The following IL15 variants were observed in gnomAD, a reference collection of about 807,000 sequenced individuals.
IL15 encodes interleukin-15.
Under a neutral mutation model 19.6 loss-of-function variants are expected in IL15, and 11 were observed. The observed-to-expected ratio is 0.56, with a 90% CI of 0.35 to 0.93. The LOEUF is 0.93. Among genes scored for constraint, IL15 ranks in the 40% least tolerant of loss-of-function variants. The pLI is 0.01. For missense variants in IL15, 197 were observed against 186.5 expected (o/e 1.06, Z -0.33); for synonymous variants, 58 against 59.6 (o/e 0.97, Z 0.12).
intron 5 of IL15, among the ~76,000 whole-genome samples, 161 bp downstream of exon 5, chr4:141,722,169 G>A (rs572875439): frequency 6.6e-6 from 1 of 152,206 alleles, no homozygotes; most frequent in South Asian, 2.1e-4. Flanking sequence ...TTTCCTTACT[G>A]TTTTAGAATC....
chr4:141,731,096 A>G (rs1290010832), intron 7 of IL15, among the ~76,000 whole-genome samples: 1 of 152,150 alleles, frequency 6.6e-6, no homozygotes, highest in African/African-American at 2.4e-5. Flanking sequence ...GGCAGAGACA[A>G]CTGAAAGTGC....
At chr4:141,671,536 T>G (rs1365688586) in intron 2 of IL15, among the ~76,000 whole-genome samples, 1 of 152,192 alleles carries the variant, frequency 6.6e-6, no homozygotes, top group East Asian at 1.9e-4. Flanking sequence ...ATTTTCTCCC[T>G]GGTCTTGTTT....
chr4:141,723,755 T>C (rs2152191091), intron 5 of IL15, among the ~76,000 whole-genome samples: 1 of 152,288 alleles, frequency 6.6e-6, no homozygotes, highest in African/African-American at 2.4e-5. Flanking sequence ...TCCAGAGGGA[T>C]ATTACAAAAT....
intron 2 of IL15, among the ~76,000 whole-genome samples, chr4:141,680,846 C>G (rs1016494870): frequency 2.6e-5 from 4 of 152,168 alleles, no homozygotes; most frequent in African/African-American, 7.2e-5. Context: ...CAATTCACCT[C>G]TTTCATTACC....
Position 141,646,887 on chromosome 4 carries a change from A to G in IL15, c.-221-9299A>G, listed in dbSNP as rs182900807. Reference sequence around the variant, plus strand: ...CAGTTTTGTTATTTTATTCATTGCTATATTCCCATCACCTATTAGTGCTAG... The same window carrying G: ...CAGTTTTGTTATTTTATTCATTGCTGTATTCCCATCACCTATTAGTGCTAG... On this transcript the variant is annotated intron_variant, in intron 1 of 7. Transcript: ENST00000320650. 1.8e-3 allele frequency among the ~76,000 whole-genome samples: 281 copies of G among 152,236 alleles called. 1 individual carries two copies. The highest frequency in any genetic ancestry group is 6.4e-3 in the African/African-American group (266 of 41,562).
At chr4:141,665,858 C>G (rs1328636706) in intron 2 of IL15, among the ~76,000 whole-genome samples, 1 of 152,052 alleles carries the variant, frequency 6.6e-6, no homozygotes, top group African/African-American at 2.4e-5. Context: ...GTTTCTGTCT[C>G]ATAACTCCCA....
chr4:141,724,314 A>T (rs1247297295), intron 5 of IL15, among the ~76,000 whole-genome samples: 2 of 152,130 alleles, frequency 1.3e-5, no homozygotes, highest in African/African-American at 4.8e-5. Context: ...ATGTGGCTAA[A>T]GCAATACTGA....
chr4:141,671,980 G>T (rs1367610198), intron 2 of IL15, among the ~76,000 whole-genome samples: 2 of 152,164 alleles, frequency 1.3e-5, no homozygotes, highest in Non-Finnish European at 2.9e-5. Context: ...ATTTGGTAAA[G>T]TATAAGTAGT....
intron 2 of IL15, among the ~76,000 whole-genome samples, chr4:141,676,439 C>T (rs2090664): frequency 0.5 from 76,415 of 151,970 alleles, 19,597 homozygotes; most frequent in East Asian, 0.85. Flanking sequence ...AATTCAAGAT[C>T]GAAGGTGTCT....
chr4:141,637,471 G>C (rs1452850586), intron 1 of IL15, among the ~76,000 whole-genome samples: 1 of 151,990 alleles, frequency 6.6e-6, no homozygotes, highest in Non-Finnish European at 1.5e-5. Flanking sequence ...AGTGTATCTA[G>C]AATGTCGAAG....
chr4:141,693,585 T>G (rs1437192384), intron 2 of IL15, among the ~76,000 whole-genome samples: 1 of 152,238 alleles, frequency 6.6e-6, no homozygotes, highest in Non-Finnish European at 1.5e-5. Context: ...GATTGTTTCT[T>G]TAAAAATTAA....
chr4:141,670,312 G>A (rs1041676605), intron 2 of IL15, among the ~76,000 whole-genome samples: 1 of 152,072 alleles, frequency 6.6e-6, no homozygotes, highest in African/African-American at 2.4e-5. Context: ...AGCCAGCTGT[G>A]CTGGCATCAA....
chr4:141,703,292 A>G (rs977001875), intron 2 of IL15, among the ~76,000 whole-genome samples: 6 of 152,166 alleles, frequency 3.9e-5, no homozygotes, highest in Non-Finnish European at 5.9e-5. Context: ...TGATGGGTGT[A>G]CATCCCTACT....
intron 1 of IL15, among the ~76,000 whole-genome samples, chr4:141,645,038 C>T (rs1224868138): frequency 6.6e-6 from 1 of 152,076 alleles, no homozygotes; most frequent in Admixed American, 6.6e-5. Flanking sequence ...GTGGCGTAGC[C>T]TGCTTTCTGA....
chr4:141,721,806 G>A (rs181576283), intron 4 of IL15, 118 bp from the exon 5 acceptor site: 6 of 853,934 alleles, frequency 7.0e-6, no homozygotes, highest in Non-Finnish European at 1.1e-5. Flanking sequence ...CAGAAGCAAG[G>A]ATAACACTGA....
intron 2 of IL15, among the ~76,000 whole-genome samples, chr4:141,678,030 T>C (rs1223850913): frequency 6.6e-6 from 1 of 152,194 alleles, no homozygotes; most frequent in Non-Finnish European, 1.5e-5. Context: ...CCTAATTTTA[T>C]CTGTGGTGAT....
At chr4:141,721,701 C>G (rs894591710) in intron 4 of IL15, 12 of 558,308 alleles carry the variant, frequency 2.1e-5, no homozygotes, top group Non-Finnish European at 3.8e-5. Context: ...AGGCTTTTCT[C>G]TAATCCGGGT....
At chr4:141,652,359 A>G (rs1261496997) in intron 1 of IL15, among the ~76,000 whole-genome samples, 1 of 152,122 alleles carries the variant, frequency 6.6e-6, no homozygotes, top group Non-Finnish European at 1.5e-5. Flanking sequence ...TCTGCTGTCC[A>G]ATCTAGGGAG....
At chr4:141,696,560 C>T (rs1478530797) in intron 2 of IL15, among the ~76,000 whole-genome samples, 1 of 152,036 alleles carries the variant, frequency 6.6e-6, no homozygotes, top group African/African-American at 2.4e-5. Context: ...ACTTCATGAA[C>T]ACTGGATAGC....
Sources: gnomAD v4.1 joint callset for allele counts (sites outside exome capture counted in the v4.1 genomes callset) on GRCh38, gnomAD v4.1.1 for gene constraint, MANE v1.5 for transcripts, NCBI Gene and HGNC (gene_info 2026-07-23, HGNC 2026-07-21) for gene names.